MIA2: variants seen among roughly 807,000 people sequenced by gnomAD.
The protein encoded by MIA2 is melanoma inhibitory activity protein 2.
Under a neutral mutation model 167.8 loss-of-function variants are expected in MIA2, and 127 were observed. That is an observed-to-expected ratio of 0.76 (90% CI 0.66 to 0.88). The LOEUF is 0.88. MIA2 is among the 40% of genes least tolerant of loss of function. MIA2 has a pLI of 0.00. For missense variants in MIA2, 1,690 were observed against 1,624.7 expected (o/e 1.04, Z -0.69); for synonymous variants, 552 against 541.9 (o/e 1.02, Z -0.26).
At chr14:39,353,301 G>T (rs964116006), downstream of MIA2, among the ~76,000 whole-genome samples, 1 of 152,090 alleles carries the variant, frequency 6.6e-6, no homozygotes, top group East Asian at 1.9e-4. Context: ...TCATCTAACT[G>T]TATGTTTGTA....
intron 20 of MIA2, 172 bp downstream of exon 20, chr14:39,314,971 A>T: frequency 2.1e-6 from 1 of 480,420 alleles, no homozygotes; most frequent in Non-Finnish European, 3.4e-6. Context: ...AGATTCTGAG[A>T]TAAGAAATCT....
intron 6 of MIA2, among the ~76,000 whole-genome samples, chr14:39,274,894 G>T (rs574861246): frequency 6.7e-6 from 1 of 149,286 alleles, no homozygotes; most frequent in East Asian, 2.0e-4. Context: ...GGCCAACATG[G>T]TGAAACCCTG....
intron 19 of MIA2, 99 bp from the exon 20 acceptor site, chr14:39,314,640 A>C: frequency 3.1e-6 from 1 of 324,838 alleles, no homozygotes; most frequent in East Asian, 6.6e-5. Context: ...CATGAAGTAG[A>C]GCATTCTGGG....
At chr14:39,350,008 G>T in intron 28 of MIA2, 90 bp from the exon 29 acceptor site, 1 of 538,738 alleles carries the variant, frequency 1.9e-6, no homozygotes, top group Non-Finnish European at 3.4e-6. Flanking sequence ...TAAAAGAATA[G>T]GTAATGGAAG....
chr14:39,309,243 T>C (rs1378953421), intron 18 of MIA2, among the ~76,000 whole-genome samples: 2 of 152,218 alleles, frequency 1.3e-5, no homozygotes, highest in African/African-American at 2.4e-5. Flanking sequence ...CTCTGCAACA[T>C]GCAGGATGAC....
At chr14:39,346,422 T>C (rs1048130865) in intron 26 of MIA2, among the ~76,000 whole-genome samples, 8 of 152,126 alleles carry the variant, frequency 5.3e-5, no homozygotes, top group African/African-American at 1.9e-4. Context: ...GTTGATATTG[T>C]AATCAGTTAT....
chr14:39,353,176 C>T (rs962661560), downstream of MIA2, among the ~76,000 whole-genome samples: 1 of 152,122 alleles, frequency 6.6e-6, no homozygotes, highest in Non-Finnish European at 1.5e-5. Context: ...GAGTATTTAT[C>T]ATTTCTGTAC....
intron 17 of MIA2, among the ~76,000 whole-genome samples, chr14:39,306,711 C>A (rs560979716): frequency 6.6e-6 from 1 of 152,276 alleles, no homozygotes. Flanking sequence ...TCCAAAACTT[C>A]CCTCTTTAGG....
chr14:39,311,490 T>TC (rs2064252786), intron 18 of MIA2, among the ~76,000 whole-genome samples: 1 of 127,896 alleles, frequency 7.8e-6, no homozygotes, highest in African/African-American at 3.1e-5. Flanking sequence ...TTTTTTTTTT[T>TC]TTGGTGAGAT....
chr14:39,335,964 C>G (rs547386593), intron 25 of MIA2, among the ~76,000 whole-genome samples: 1 of 152,298 alleles, frequency 6.6e-6, no homozygotes, highest in South Asian at 2.1e-4. Flanking sequence ...GTGTAGTATT[C>G]TATGGTGTAT....
rs1304692095 is a variant in MIA2 at position 39,302,174 on chromosome 14, C to T, written c.2665C>T (p.Leu889Phe). Reference sequence around the variant, plus strand: ...AAAGATGAAAGATTGGGCTGCTATGCTTGGAGAAGACATAACGGATGATGA... The same window carrying T: ...AAAGATGAAAGATTGGGCTGCTATGTTTGGAGAAGACATAACGGATGATGA... ...LLKMKDWAAMLGEDITDDDNL... is the reference protein window; with the variant it reads ...LLKMKDWAAMFGEDITDDDNL... The change falls in exon 15 of 29, where the codon CTT becomes TTT. Residue 889 changes from leucine (L) to phenylalanine (F), a missense_variant. Leu to Phe is a conservative substitution (Grantham distance 22, BLOSUM62 0). Coordinates refer to ENST00000640607, the MANE Select transcript of MIA2 (RefSeq NM_001329214.4). 1.9e-6 allele frequency: 3 copies of T among 1,613,698 alleles called. No individual in the cohort carries two copies. Among genetic ancestry groups the T allele is most frequent in the Non-Finnish European group, 2.5e-6 (3 of 1,179,734 alleles).
intron 23 of MIA2, among the ~76,000 whole-genome samples, chr14:39,381,037 CAA>C (rs2075150886): frequency 1.4e-5 from 2 of 143,982 alleles, no homozygotes; most frequent in South Asian, 4.4e-4. Context: ...AAAAAAAAAA[CAA>C]AGGTAACAAT....
rs182538756 is a variant in MIA2 at position 39,367,885 on chromosome 14, A to G, written c.2248+18908A>G. Among the ~76,000 whole-genome samples, 290 of 152,306 alleles carry G rather than the reference A, an allele frequency of 1.9e-3. 1 individual carries two copies. The highest frequency in any genetic ancestry group is 2.8e-3 in the Non-Finnish European group (190 of 68,018). ...ATTGATTCTGTGGATTCAGAACTCA[A>G]AGTTACAGAGGAACTACTGCATATT... On this transcript the variant is annotated intron_variant, in intron 23 of 23. Transcript: ENST00000341502.
chr14:39,295,086 T>G, intron 13 of MIA2, 57 bp downstream of exon 13: 9 of 1,220,290 alleles, frequency 7.4e-6, no homozygotes, highest in African/African-American at 1.5e-5. Flanking sequence ...GATGTTCTTG[T>G]CATCCTCATG....
chr14:39,267,073 C>G (rs41317314), intron 6 of MIA2: 11,518 of 1,075,170 alleles, frequency 0.011, 85 homozygotes, highest in Non-Finnish European at 0.012. Context: ...GCAAACGACC[C>G]GGACACGTCT....
At chr14:39,246,849 C>A in intron 3 of MIA2, 62 bp from the exon 4 acceptor site, 2 of 932,574 alleles carry the variant, frequency 2.1e-6, no homozygotes, top group Non-Finnish European at 1.6e-6. Flanking sequence ...TTAAATGACT[C>A]AGGGAGAAAC....
intron 6 of MIA2, chr14:39,267,565 G>T: frequency 6.2e-7 from 1 of 1,604,714 alleles, no homozygotes; most frequent in Non-Finnish European, 8.5e-7. Flanking sequence ...CAGGGGTCGC[G>T]GGAGCCGCCG....
chr14:39,309,508 A>G (rs2063866777), intron 18 of MIA2, among the ~76,000 whole-genome samples: 1 of 152,016 alleles, frequency 6.6e-6, no homozygotes, highest in Non-Finnish European at 1.5e-5. Context: ...GCCTGGAATG[A>G]TGTTTCCTTA....
At chr14:39,337,691 T>G (rs2070757611) in intron 25 of MIA2, among the ~76,000 whole-genome samples, 1 of 152,142 alleles carries the variant, frequency 6.6e-6, no homozygotes, top group African/African-American at 2.4e-5. Flanking sequence ...TCTCAAAAGT[T>G]TACATACTGT....
Sources: allele counts gnomAD v4.1 joint callset (sites outside exome capture counted in the v4.1 genomes callset), GRCh38; gene constraint gnomAD v4.1.1; transcripts MANE v1.5; gene names NCBI Gene and HGNC (gene_info 2026-07-23, HGNC 2026-07-21).